The following THEMIS variants were observed in gnomAD, a reference collection of about 807,000 sequenced individuals.
THEMIS encodes the protein protein THEMIS.
THEMIS carries 37 observed loss-of-function variants against 52.6 expected under a neutral mutation model. The ratio of observed to expected loss-of-function variants is 0.70; its 90% CI spans 0.54 to 0.93. The LOEUF (loss-of-function observed/expected upper bound fraction) is 0.93, where lower values mean the gene tolerates loss of function less well. Among genes scored for constraint, THEMIS ranks in the 40% least tolerant of loss-of-function variants. The probability of loss-of-function intolerance (pLI) is 0.00; values close to 1 mark genes in which losing one functional copy is unlikely to be tolerated. For missense variants in THEMIS, 808 were observed against 763.1 expected (o/e 1.06, Z -0.69); for synonymous variants, 292 against 272.7 (o/e 1.07, Z -0.70).
chr6:127,747,794 A>T (rs559247551), intron 4 of THEMIS, among the ~76,000 whole-genome samples: 54 of 152,220 alleles, frequency 3.5e-4, no homozygotes, highest in African/African-American at 1.3e-3. Flanking sequence ...TATTTAACTG[A>T]CATAATAAAT....
chr6:127,743,069 T>C (rs900256656), intron 4 of THEMIS, among the ~76,000 whole-genome samples: 1 of 151,706 alleles, frequency 6.6e-6, no homozygotes, highest in Admixed American at 6.6e-5. Flanking sequence ...ACATAAAAGG[T>C]GATTCATTAA....
chr6:127,724,841 C>T (rs530082985), intron 4 of THEMIS, among the ~76,000 whole-genome samples: 1 of 152,002 alleles, frequency 6.6e-6, no homozygotes, highest in South Asian at 2.1e-4. Context: ...ACCAAGATGT[C>T]CACAAAAAAA....
chr6:127,822,606 G>A (rs1778377856), intron 3 of THEMIS, among the ~76,000 whole-genome samples: 1 of 152,158 alleles, frequency 6.6e-6, no homozygotes, highest in East Asian at 1.9e-4. Flanking sequence ...CACTTTTTTA[G>A]ACACTTTTAA....
At chr6:127,713,318 A>G (rs1774045381) in intron 5 of THEMIS, among the ~76,000 whole-genome samples, 2 of 151,810 alleles carry the variant, frequency 1.3e-5, no homozygotes, top group African/African-American at 4.8e-5. Flanking sequence ...TTCTATGTGT[A>G]CTCCAGCAAC....
chr6:127,745,552 A>C (rs1328046364), intron 4 of THEMIS, among the ~76,000 whole-genome samples: 1 of 151,870 alleles, frequency 6.6e-6, no homozygotes, highest in African/African-American at 2.4e-5. Context: ...TCAACATAAT[A>C]TATTGGTATT....
At chr6:127,738,365 A>G (rs968598080) in intron 4 of THEMIS, among the ~76,000 whole-genome samples, 1 of 152,186 alleles carries the variant, frequency 6.6e-6, no homozygotes, top group African/African-American at 2.4e-5. Flanking sequence ...TTGAGGCCAA[A>G]TTATTTAGGC....
chr6:127,776,714 A>C (rs1400517297), intron 4 of THEMIS, among the ~76,000 whole-genome samples: 8 of 152,200 alleles, frequency 5.3e-5, no homozygotes. Context: ...AAAATTTTTT[A>C]TGCAACAATA....
chr6:127,764,755 T>A (rs922703013), intron 4 of THEMIS, among the ~76,000 whole-genome samples: 2 of 152,078 alleles, frequency 1.3e-5, no homozygotes, highest in Non-Finnish European at 2.9e-5. Context: ...TATTTTCTTA[T>A]CTATTACTTA....
At chr6:127,887,403 T>C (rs1780678705) in intron 1 of THEMIS, among the ~76,000 whole-genome samples, 1 of 152,144 alleles carries the variant, frequency 6.6e-6, no homozygotes, top group African/African-American at 2.4e-5. Context: ...TATACATTAA[T>C]GGTAAAAATG....
Position 127,767,580 on chromosome 6 carries a change from T to C in THEMIS, c.1758+45303A>G, listed in dbSNP as rs182842403. On this transcript the variant is annotated intron_variant, in intron 4 of 5. Transcript: ENST00000368248. ...TTGTCCCACTGGACTTCAGGGGTAG[T>C]GCACATGAAGTTGTCAACTCCTTTG... Among the ~76,000 whole-genome samples, 34 of 152,312 alleles carry C rather than the reference T, an allele frequency of 2.2e-4. No homozygotes were observed. In the East Asian group the frequency reaches 6.2e-3, roughly 28 times the overall value.
At chr6:127,795,341 T>G (rs1172099280) in intron 4 of THEMIS, among the ~76,000 whole-genome samples, 1 of 152,198 alleles carries the variant, frequency 6.6e-6, no homozygotes, top group African/African-American at 2.4e-5. Context: ...ATTATTATTA[T>G]TTTTTGAGAT....
At chr6:127,697,907 T>C in the THEMIS span, among the ~76,000 whole-genome samples, 12 of 152,200 alleles carry the variant, frequency 7.9e-5, no homozygotes, top group African/African-American at 2.4e-4. Flanking sequence ...AAACAGTAGA[T>C]TTAAAACTAA....
intron 1 of THEMIS, 63 bp from the exon 2 acceptor site, chr6:127,855,251 T>A: frequency 7.4e-7 from 1 of 1,356,354 alleles, no homozygotes; most frequent in Non-Finnish European, 9.9e-7. Context: ...CAAAGTAGAC[T>A]CAAAAGCTTA....
At chr6:127,746,401 A>G (rs538739228) in intron 4 of THEMIS, among the ~76,000 whole-genome samples, 16 of 151,770 alleles carry the variant, frequency 1.1e-4, no homozygotes, top group South Asian at 8.3e-4. Context: ...GCTCTTTACT[A>G]TATTCCTATA....
intron 4 of THEMIS, among the ~76,000 whole-genome samples, chr6:127,767,766 A>G (rs1324589133): frequency 6.6e-6 from 1 of 152,194 alleles, no homozygotes; most frequent in African/African-American, 2.4e-5. Flanking sequence ...CGAGTTTTAT[A>G]TACATAATTA....
chr6:127,700,421 A>T, the THEMIS span, among the ~76,000 whole-genome samples: 2 of 151,980 alleles, frequency 1.3e-5, no homozygotes, highest in Non-Finnish European at 2.9e-5. Flanking sequence ...AAGTATAAAT[A>T]TCATATGCAT....
intron 4 of THEMIS, among the ~76,000 whole-genome samples, chr6:127,747,484 T>C (rs1775490762): frequency 6.6e-6 from 1 of 150,386 alleles, no homozygotes; most frequent in Non-Finnish European, 1.5e-5. Context: ...GTTAAATTTA[T>C]ATTAAAGTAA....
intron 3 of THEMIS, among the ~76,000 whole-genome samples, chr6:127,818,470 A>C (rs1313258972): frequency 6.6e-6 from 1 of 152,158 alleles, no homozygotes; most frequent in Admixed American, 6.5e-5. Context: ...TCTGACACCT[A>C]CCATTATAGT....
intron 2 of THEMIS, among the ~76,000 whole-genome samples, chr6:127,841,427 C>G (rs567433746): frequency 6.6e-6 from 1 of 151,892 alleles, no homozygotes; most frequent in Non-Finnish European, 1.5e-5. Context: ...AGAATTGTGC[C>G]GGTAAGAAAG....
Sources: allele counts gnomAD v4.1 joint callset (sites outside exome capture counted in the v4.1 genomes callset), GRCh38; gene constraint gnomAD v4.1.1; transcripts MANE v1.5; gene names NCBI Gene and HGNC (gene_info 2026-07-23, HGNC 2026-07-21).